Variants in MAGI2 observed in about 807,000 individuals in gnomAD.
MAGI2 encodes the protein membrane-associated guanylate kinase, WW and PDZ domain-containing protein 2.
In MAGI2, 35 loss-of-function variants were observed where a neutral mutation model predicts 133.3. That is an observed-to-expected ratio of 0.26 (90% CI 0.20 to 0.35). The LOEUF is 0.35. MAGI2 is among the 10% of genes least tolerant of loss of function. MAGI2 has a pLI of 1.00. For missense variants in MAGI2, 1,636 were observed against 1,863.4 expected, an observed-to-expected ratio of 0.88 and a Z score of 2.25; for synonymous variants, 729 against 710.6, an observed-to-expected ratio of 1.03 and a Z score of -0.41.
chr7:79,191,568 C>A (rs894197481), intron 1 of MAGI2, among the ~76,000 whole-genome samples: 2 of 150,958 alleles, frequency 1.3e-5, no homozygotes, highest in African/African-American at 4.9e-5. Flanking sequence ...CGGGCATGAG[C>A]CAAAATGCCT....
chr7:78,600,925 A>T (rs965770676), intron 3 of MAGI2, among the ~76,000 whole-genome samples: 5 of 152,158 alleles, frequency 3.3e-5, no homozygotes, highest in African/African-American at 1.2e-4. Context: ...CTCAAAGGAG[A>T]ATGTGGGTTG....
At position 78,019,609 on chromosome 7, in the gene MAGI2, C is replaced by CGCCGCGTCT. The variant is rs1302912997; in HGVS notation, c.4065_4073dup (p.Asp1359_Ala1361dup). On this transcript the variant is annotated inframe_insertion, in exon 22 of 22. Coordinates refer to ENST00000354212, the MANE Select transcript of MAGI2 (RefSeq NM_012301.4). The stretch of plus-strand genomic sequence containing the variant: ...CCTTCCCGCCCGCCCGCGCCGCGTC[C>CGCCGCGTCT]GCCGCGTCTGCCGCCGCGAGCCCGG... 21 of 983,248 alleles carry CGCCGCGTCT rather than the reference C, an allele frequency of 2.1e-5. No homozygotes were observed. The highest frequency in any genetic ancestry group is 1.3e-4 in the Admixed American group (2 of 15,852). The allele number at this position is 983,248 out of a possible 1,614,324, so 60.9% of individuals were successfully genotyped here.
At chr7:79,268,110 A>G (rs1293991929) in intron 1 of MAGI2, among the ~76,000 whole-genome samples, 1 of 152,150 alleles carries the variant, frequency 6.6e-6, no homozygotes, top group African/African-American at 2.4e-5. Flanking sequence ...TCAGAGACAG[A>G]GGAGTTCTAT....
chr7:78,442,333 T>C (rs527620012), intron 6 of MAGI2, among the ~76,000 whole-genome samples: 1 of 152,338 alleles, frequency 6.6e-6, no homozygotes, highest in Admixed American at 6.5e-5. Context: ...ATCATCTTGG[T>C]ACAAATTGGT....
intron 1 of MAGI2, among the ~76,000 whole-genome samples, chr7:79,153,307 A>G (rs11760355): frequency 0.62 from 94,725 of 152,062 alleles, 34,848 homozygotes; most frequent in Non-Finnish European, 0.83. Context: ...AATGCCCACC[A>G]GGCTCTGAGC....
intron 1 of MAGI2, among the ~76,000 whole-genome samples, chr7:79,186,365 T>G (rs970901033): frequency 6.7e-6 from 1 of 149,530 alleles, no homozygotes; most frequent in Non-Finnish European, 1.5e-5. Flanking sequence ...AAGTAGCTGA[T>G]AGTAGATCTG....
intron 2 of MAGI2, among the ~76,000 whole-genome samples, chr7:78,744,633 A>C (rs1045359177): frequency 6.6e-6 from 1 of 152,062 alleles, no homozygotes; most frequent in Non-Finnish European, 1.5e-5. Context: ...GAAGTGAAGG[A>C]AAAAAAATCT....
At chr7:78,490,988 G>A (rs1239550897) in intron 5 of MAGI2, among the ~76,000 whole-genome samples, 1 of 152,044 alleles carries the variant, frequency 6.6e-6, no homozygotes, top group Non-Finnish European at 1.5e-5. Flanking sequence ...TCAGAGCCAG[G>A]TAATAGGCAT....
intron 1 of MAGI2, among the ~76,000 whole-genome samples, chr7:79,189,868 C>A (rs922570689): frequency 2.8e-4 from 42 of 151,760 alleles, no homozygotes; most frequent in African/African-American, 1.0e-3. Flanking sequence ...TAGTTGGAAT[C>A]ATAAAGTATG....
intron 20 of MAGI2, among the ~76,000 whole-genome samples, chr7:78,107,263 A>T (rs1230858035): frequency 6.6e-6 from 1 of 152,144 alleles, no homozygotes; most frequent in Non-Finnish European, 1.5e-5. Context: ...ATAGCTCTGT[A>T]GTATAATTTG....
At chr7:79,179,455 T>C (rs967092671) in intron 1 of MAGI2, among the ~76,000 whole-genome samples, 2 of 151,928 alleles carry the variant, frequency 1.3e-5, no homozygotes, top group Non-Finnish European at 2.9e-5. Flanking sequence ...CAAGAAAGAA[T>C]CCAAAATGAC....
chr7:78,714,086 A>G (rs1201711136), intron 2 of MAGI2, among the ~76,000 whole-genome samples: 1 of 58,870 alleles, frequency 1.7e-5, no homozygotes, highest in Non-Finnish European at 4.3e-5. Flanking sequence ...AGGTGAAAGA[A>G]AGAGGGGGGA....
At chr7:78,610,229 A>G (rs997140968) in intron 3 of MAGI2, among the ~76,000 whole-genome samples, 3 of 152,154 alleles carry the variant, frequency 2.0e-5, no homozygotes, top group African/African-American at 7.2e-5. Context: ...TGTGACTTCA[A>G]AAGGCCATTC....
intron 1 of MAGI2, among the ~76,000 whole-genome samples, chr7:79,284,728 T>G (rs1835881071): frequency 6.6e-6 from 1 of 152,130 alleles, no homozygotes; most frequent in Non-Finnish European, 1.5e-5. Context: ...TCAGTTAATG[T>G]TCAATTGGAA....
intron 9 of MAGI2, among the ~76,000 whole-genome samples, chr7:78,302,518 C>T (rs918763480): frequency 6.6e-6 from 1 of 152,156 alleles, no homozygotes; most frequent in African/African-American, 2.4e-5. Flanking sequence ...TCACTCTCTG[C>T]TTTCTCTATT....
At chr7:78,145,824 T>C (rs1823259328) in intron 16 of MAGI2, among the ~76,000 whole-genome samples, 1 of 152,118 alleles carries the variant, frequency 6.6e-6, no homozygotes, top group Non-Finnish European at 1.5e-5. Context: ...GTGAGAGAGC[T>C]CTGGTCTTTT....
chr7:78,896,709 A>G (rs956078236), intron 2 of MAGI2, among the ~76,000 whole-genome samples: 1 of 151,966 alleles, frequency 6.6e-6, no homozygotes, highest in African/African-American at 2.4e-5. Flanking sequence ...CTGGGACTAC[A>G]GATGCGTGCC....
intron 2 of MAGI2, among the ~76,000 whole-genome samples, chr7:78,882,196 C>A (rs769640775): frequency 2.7e-5 from 4 of 148,788 alleles, no homozygotes; most frequent in Non-Finnish European, 5.9e-5. Context: ...CTGCTCCCAC[C>A]GAAATTAAAA....
chr7:78,566,533 T>TAAA (rs67057557), intron 3 of MAGI2, among the ~76,000 whole-genome samples: 3,324 of 137,110 alleles, frequency 0.024, 76 homozygotes, highest in Non-Finnish European at 0.038. Context: ...AGACACAGTT[T>TAAA]AAAAAAAAAA....
Sources: allele counts gnomAD v4.1 joint callset (sites outside exome capture counted in the v4.1 genomes callset), GRCh38; gene constraint gnomAD v4.1.1; transcripts MANE v1.5; gene names NCBI Gene and HGNC (gene_info 2026-07-23, HGNC 2026-07-21).